EXOC6: variants seen among roughly 807,000 people sequenced by gnomAD.
EXOC6 encodes SEC15-like 1.
EXOC6 carries 60 observed loss-of-function variants against 112.5 expected under a neutral mutation model. The ratio of observed to expected loss-of-function variants is 0.53; its 90% CI spans 0.43 to 0.66. EXOC6 has a LOEUF of 0.66. Ranked by LOEUF, EXOC6 falls within the 30% of genes least tolerant of loss-of-function variation. EXOC6 has a pLI of 0.00. For synonymous variants in EXOC6, 295 were observed against 308.0 expected (o/e 0.96, Z 0.44); for missense variants, 855 against 957.1 (o/e 0.89, Z 1.41).
intron 20 of EXOC6, among the ~76,000 whole-genome samples, chr10:93,051,252 G>T (rs1846280655): frequency 1.3e-5 from 2 of 152,008 alleles, no homozygotes; most frequent in South Asian, 4.2e-4. Flanking sequence ...TGCATGTACA[G>T]TTCACCTGAG....
At chr10:92,977,440 G>A (rs1842669220) in intron 18 of EXOC6, among the ~76,000 whole-genome samples, 1 of 151,974 alleles carries the variant, frequency 6.6e-6, no homozygotes, top group Admixed American at 6.6e-5. Context: ...AGCTTACCCA[G>A]GGATGATACT....
intron 19 of EXOC6, among the ~76,000 whole-genome samples, chr10:93,005,371 A>T (rs1387901669): frequency 6.6e-6 from 1 of 152,202 alleles, no homozygotes; most frequent in Non-Finnish European, 1.5e-5. Context: ...CAAGTTCAAG[A>T]TAAATGTCTT....
At chr10:93,039,937 A>G (rs1032344583) in intron 20 of EXOC6, among the ~76,000 whole-genome samples, 3 of 152,134 alleles carry the variant, frequency 2.0e-5, no homozygotes, top group Admixed American at 1.3e-4. Context: ...GCATTCTTTC[A>G]TGGCTACACG....
chr10:92,886,436 C>G (rs1849221070), intron 1 of EXOC6, among the ~76,000 whole-genome samples: 1 of 152,184 alleles, frequency 6.6e-6, no homozygotes, highest in African/African-American at 2.4e-5. Context: ...CTGATGGGTG[C>G]AACAGTGCAC....
chr10:92,969,983 C>T (rs1002425945), intron 17 of EXOC6, among the ~76,000 whole-genome samples: 14 of 152,166 alleles, frequency 9.2e-5, no homozygotes, highest in African/African-American at 2.4e-4. Context: ...TGTGAGCCAC[C>T]GCACCTGGTC....
At position 92,894,971 on chromosome 10, in the gene EXOC6, G is replaced by A. The variant is rs1458832878; in HGVS notation, c.363G>A (p.Gln121=). The change falls in exon 4 of 22, where the codon CAG becomes CAA. Residue 121 remains glutamine (Q), a synonymous_variant. Transcript: ENST00000260762. The part of the protein sequence containing the change: ...HTEDIIRCRI[Q]QRNITTVVEK... ...AAGATATCATTCGATGTAGAATTCA[G>A]CAGAGAAATATTACAACTGTAGTAG... 6.2e-7 allele frequency: 1 copy of A among 1,612,746 alleles called. No homozygotes were observed. Among genetic ancestry groups the A allele is most frequent in the East Asian group, 2.2e-5 (1 of 44,784 alleles).
intron 17 of EXOC6, among the ~76,000 whole-genome samples, chr10:92,967,960 G>A (rs1172745944): frequency 1.3e-5 from 2 of 152,026 alleles, no homozygotes; most frequent in African/African-American, 4.8e-5. Flanking sequence ...TGAACACTGG[G>A]GCAAAATGCA....
intron 7 of EXOC6, among the ~76,000 whole-genome samples, chr10:92,917,969 G>T (rs570048629): frequency 1.2e-3 from 179 of 152,234 alleles, no homozygotes; most frequent in Non-Finnish European, 2.1e-3. Context: ...TGGCCAACAT[G>T]GCGAAACCCT....
chr10:92,945,452 A>G (rs1258936310), intron 13 of EXOC6, among the ~76,000 whole-genome samples: 3 of 152,150 alleles, frequency 2.0e-5, no homozygotes, highest in Non-Finnish European at 2.9e-5. Flanking sequence ...ATCTAGACCA[A>G]TGCCATGGAG....
intron 12 of EXOC6, among the ~76,000 whole-genome samples, chr10:92,936,877 G>C (rs1247048069): frequency 2.6e-5 from 4 of 152,066 alleles, no homozygotes; most frequent in Non-Finnish European, 5.9e-5. Flanking sequence ...GCGATATTGG[G>C]AGTAATATTA....
intron 8 of EXOC6, among the ~76,000 whole-genome samples, chr10:92,926,249 A>G (rs893988090): frequency 2.6e-5 from 4 of 152,048 alleles, no homozygotes; most frequent in African/African-American, 9.7e-5. Context: ...ACTGATTATG[A>G]TAATTTCACT....
chr10:93,002,637 T>C (rs1329150898), intron 19 of EXOC6, among the ~76,000 whole-genome samples: 2 of 152,186 alleles, frequency 1.3e-5, no homozygotes, highest in African/African-American at 4.8e-5. Flanking sequence ...CAGAACCTTA[T>C]GGGTACCTTA....
At chr10:93,029,245 CT>C (rs1845164050) in intron 20 of EXOC6, among the ~76,000 whole-genome samples, 1 of 152,156 alleles carries the variant, frequency 6.6e-6, no homozygotes, top group Non-Finnish European at 1.5e-5. Flanking sequence ...ACTTAATAGA[CT>C]ATAGTGTAAA....
chr10:93,048,329 A>T (rs1240295068), intron 20 of EXOC6, among the ~76,000 whole-genome samples: 5 of 152,132 alleles, frequency 3.3e-5, no homozygotes, highest in Non-Finnish European at 5.9e-5. Context: ...ATTATATGAC[A>T]GGTTCTTTCT....
At chr10:92,968,494 A>G (rs1003836095) in intron 17 of EXOC6, among the ~76,000 whole-genome samples, 2 of 152,158 alleles carry the variant, frequency 1.3e-5, no homozygotes, top group Admixed American at 1.3e-4. Flanking sequence ...CATGTTTTAC[A>G]TAAAAAAAAT....
At chr10:93,047,610 G>A (rs1241442780) in intron 20 of EXOC6, among the ~76,000 whole-genome samples, 1 of 151,668 alleles carries the variant, frequency 6.6e-6, no homozygotes, top group African/African-American at 2.4e-5. Context: ...GAAATATTTA[G>A]GAAGTTAAAT....
intron 1 of EXOC6, among the ~76,000 whole-genome samples, chr10:92,876,433 C>A (rs145912422): frequency 6.6e-6 from 1 of 152,270 alleles, no homozygotes; most frequent in East Asian, 1.9e-4. Flanking sequence ...GTCATTTGCC[C>A]CCTGCACTCA....
intron 20 of EXOC6, among the ~76,000 whole-genome samples, chr10:93,019,083 T>A (rs1436561150): frequency 2.0e-5 from 3 of 152,140 alleles, no homozygotes; most frequent in Non-Finnish European, 2.9e-5. Flanking sequence ...TTTTAAATGT[T>A]AATCTATGTA....
chr10:92,954,704 T>C lies in EXOC6; in HGVS notation c.1601T>C (p.Leu534Pro). ...ACCAGAACTTTGAGTAGCTGTTTAC[T>C]GAACCTTATTAGAAAACCTCATATA... ...LLTRTLSSCL[L>P]NLIRKPHIGL... Residue 534 changes from leucine to proline, a missense_variant, in exon 16 of 22, where the codon CTG becomes CCG. Physicochemically the swap from Leu to Pro is moderately conservative, Grantham distance 98. Around this residue, in one of 2 missense-constraint regions of EXOC6, gnomAD observed 450 missense variants for 563.5 expected, o/e 0.80. Transcript: ENST00000260762. 6.2e-7 allele frequency: 1 copy of C among 1,604,532 alleles called. No individual in the cohort carries two copies. Among genetic ancestry groups the C allele is most frequent in the African/African-American group, 1.3e-5 (1 of 74,874 alleles).
Sources: gnomAD v4.1 joint callset for allele counts (sites outside exome capture counted in the v4.1 genomes callset) on GRCh38, gnomAD v4.1.1 for gene constraint, gnomAD v4.1.1 regional missense constraint, MANE v1.5 for transcripts, NCBI Gene and HGNC (gene_info 2026-07-23, HGNC 2026-07-21) for gene names.